COL9A1: variants seen among roughly 807,000 people sequenced by gnomAD.
The protein encoded by COL9A1 is collagen alpha-1(IX) chain.
COL9A1 carries 104 observed loss-of-function variants against 142.6 expected under a neutral mutation model. That is an observed-to-expected ratio of 0.73 (90% CI 0.62 to 0.86). COL9A1 has a LOEUF of 0.86. COL9A1 is among the 40% of genes least tolerant of loss of function. The pLI is 0.00. For missense variants in COL9A1, 1,210 were observed against 1,176.6 expected, an observed-to-expected ratio of 1.03 and a Z score of -0.42; for synonymous variants, 466 against 396.0, an observed-to-expected ratio of 1.18 and a Z score of -2.10.
chr6:70,281,254 C>T, intron 8 of COL9A1, 136 bp downstream of exon 8: 1 of 910,900 alleles, frequency 1.1e-6, no homozygotes, highest in Non-Finnish European at 1.7e-6. Context: ...ATGTCTGATC[C>T]TGCCTTTAAG....
intron 21 of COL9A1, 136 bp from the exon 22 acceptor site, chr6:70,255,526 G>A (rs1771226224): frequency 9.3e-6 from 7 of 752,268 alleles, no homozygotes; most frequent in South Asian, 9.2e-5. Context: ...AGGAAGCCTA[G>A]ATGAAGAAGT....
chr6:70,279,087 T>C (rs1227651405), intron 10 of COL9A1, among the ~76,000 whole-genome samples: 1 of 152,200 alleles, frequency 6.6e-6, no homozygotes, highest in Non-Finnish European at 1.5e-5. Flanking sequence ...TTTACCAAAA[T>C]AATTTTTTTA....
Position 70,269,812 on chromosome 6 carries a change from T to C in COL9A1, c.1198-147A>G, listed in dbSNP as rs1273437172. 8 of 609,876 alleles carry C rather than the reference T, an allele frequency of 1.3e-5. No individual in the cohort carries two copies. The Admixed American group carries it at 2.2e-4, about 17-fold the overall frequency. The allele number at this position is 609,876 out of a possible 1,614,324, so 37.8% of individuals were successfully genotyped here. ...CAGATAATATGCTAATATTCTAAAA[T>C]CCTGACTCATGGGCATGTTCTCTTT... is the stretch of plus-strand genomic sequence containing the variant. On this transcript the variant is annotated intron_variant, in intron 15 of 37. Coordinates refer to ENST00000357250, the MANE Select transcript of COL9A1 (RefSeq NM_001851.6).
At chr6:70,250,307 G>A (rs16868818) in intron 28 of COL9A1, among the ~76,000 whole-genome samples, 6,922 of 152,126 alleles carry the variant, frequency 0.046, 325 homozygotes, top group East Asian at 0.14. Flanking sequence ...GTAAACACTC[G>A]CAAAGCTCTA....
chr6:70,252,195 GA>G (rs771152689), intron 27 of COL9A1, 22 bp from the exon 28 acceptor site: 3 of 1,614,090 alleles, frequency 1.9e-6, no homozygotes, highest in East Asian at 2.2e-5. Context: ...AAGGAAGGTA[GA>G]AAAAAAGTTA....
intron 10 of COL9A1, among the ~76,000 whole-genome samples, chr6:70,279,089 A>T (rs1772947687): frequency 1.3e-5 from 2 of 152,210 alleles, no homozygotes; most frequent in African/African-American, 2.4e-5. Flanking sequence ...TACCAAAATA[A>T]TTTTTTTAAT....
intron 20 of COL9A1, among the ~76,000 whole-genome samples, chr6:70,257,939 T>C (rs1390509999): frequency 6.6e-6 from 1 of 152,046 alleles, no homozygotes; most frequent in African/African-American, 2.4e-5. Flanking sequence ...GCATACCCTC[T>C]TCCATCCTGG....
intron 21 of COL9A1, among the ~76,000 whole-genome samples, chr6:70,256,064 C>G (rs1024628091): frequency 6.6e-6 from 1 of 152,164 alleles, no homozygotes; most frequent in Non-Finnish European, 1.5e-5. Flanking sequence ...CCTATGACAG[C>G]ACACATAACC....
rs748411029 is a variant in COL9A1 at position 70,255,190 on chromosome 6, G to A, written c.1571C>T (p.Ala524Val). The A allele has an allele frequency of 1.9e-6, 3 of 1,614,176 alleles. No homozygotes were observed. The Admixed American group carries it at 5.0e-5, about 27-fold the overall frequency. Residue 524 changes from alanine (A) to valine (V), a missense_variant, in exon 23 of 38, where the codon GCT becomes GTT. By Grantham distance (64) the Ala-to-Val change is moderately conservative. Transcript: ENST00000357250. ...CCCAGGGAGACCAGGAATTCCTCTA[G>A]CACCTTCAGCCCCCTGCAGGGAGGA... The part of the protein sequence containing the change: ...GPKGDRGAEG[A>V]RGIPGLPGPK...
At chr6:70,273,342 A>G (rs745631847) in intron 12 of COL9A1, among the ~76,000 whole-genome samples, 2 of 152,220 alleles carry the variant, frequency 1.3e-5, no homozygotes, top group Non-Finnish European at 2.9e-5. Flanking sequence ...GTTGAGATTA[A>G]GAGTTGAGTT....
intron 37 of COL9A1, among the ~76,000 whole-genome samples, chr6:70,223,181 G>A (rs578226128): frequency 5.3e-4 from 80 of 152,228 alleles, no homozygotes; most frequent in African/African-American, 1.9e-3. Context: ...AGCTGCAGGG[G>A]CTGAACTGGG....
chr6:70,227,424 T>TAAAAAAAA (rs11407353), intron 36 of COL9A1, among the ~76,000 whole-genome samples: 34 of 50,030 alleles, frequency 6.8e-4, no homozygotes, highest in African/African-American at 2.9e-3. Flanking sequence ...ATGCAAATTG[T>TAAAAAAAA]AAAAAAAAAA....
intron 10 of COL9A1, chr6:70,280,241 A>G: frequency 3.3e-6 from 4 of 1,202,526 alleles, no homozygotes; most frequent in Non-Finnish European, 4.2e-6. Context: ...AACTCCATGG[A>G]AAGACGAAAA....
chr6:70,286,311 G>A (rs1163386979), intron 5 of COL9A1, among the ~76,000 whole-genome samples: 1 of 152,108 alleles, frequency 6.6e-6, no homozygotes, highest in East Asian at 1.9e-4. Context: ...CTTTTACCAA[G>A]GTTAACGATT....
chr6:70,271,871 G>C (rs564930032), intron 13 of COL9A1, among the ~76,000 whole-genome samples, 163 bp from the exon 14 acceptor site: 114 of 152,232 alleles, frequency 7.5e-4, no homozygotes, highest in African/African-American at 2.6e-3. Flanking sequence ...TTAAGATACA[G>C]CAGAAATTTC....
intron 36 of COL9A1, among the ~76,000 whole-genome samples, chr6:70,232,117 G>A (rs1769587183): frequency 6.6e-6 from 1 of 152,202 alleles, no homozygotes; most frequent in African/African-American, 2.4e-5. Context: ...AAAAGAGGGA[G>A]GCAGCTCTAA....
intron 37 of COL9A1, among the ~76,000 whole-genome samples, chr6:70,220,083 C>T (rs1251278490): frequency 6.6e-6 from 1 of 152,150 alleles, no homozygotes; most frequent in Non-Finnish European, 1.5e-5. Context: ...GCATGCATCT[C>T]ATCCAGTTCT....
intron 4 of COL9A1, among the ~76,000 whole-genome samples, chr6:70,299,628 G>A (rs1200373377): frequency 6.6e-6 from 1 of 152,140 alleles, no homozygotes; most frequent in Admixed American, 6.5e-5. Context: ...CAGTGGACGT[G>A]TGGCTCCATT....
intron 28 of COL9A1, among the ~76,000 whole-genome samples, chr6:70,244,375 A>G (rs917073765): frequency 6.6e-6 from 1 of 152,178 alleles, no homozygotes; most frequent in Non-Finnish European, 1.5e-5. Context: ...AGATTCCTCT[A>G]TCCATCTATA....
Sources: allele counts gnomAD v4.1 joint callset (sites outside exome capture counted in the v4.1 genomes callset), GRCh38; gene constraint gnomAD v4.1.1; transcripts MANE v1.5; gene names NCBI Gene and HGNC (gene_info 2026-07-23, HGNC 2026-07-21).